The following MYH15 variants were observed in gnomAD, a reference collection of about 807,000 sequenced individuals.
MYH15 encodes the protein myosin heavy chain 15.
MYH15 carries 227 observed loss-of-function variants against 240.5 expected under a neutral mutation model. That is an observed-to-expected ratio of 0.94 (90% CI 0.85 to 1.05). The LOEUF (loss-of-function observed/expected upper bound fraction) is 1.05, where lower values mean the gene tolerates loss of function less well. MYH15 is among the 50% of genes least tolerant of loss of function. The probability of loss-of-function intolerance (pLI) is 0.00; values close to 1 mark genes in which losing one functional copy is unlikely to be tolerated. For missense variants in MYH15, 2,217 were observed against 2,247.5 expected (o/e 0.99, Z 0.27); for synonymous variants, 785 against 796.7 (o/e 0.99, Z 0.25).
In MYH15 at chr3:108,470,058, A is replaced by G; in HGVS notation, c.1538T>C (p.Ile513Thr). ...IGFGLDLQAC[I>T]DLIEKPMGIL... ...ATATATTACCTTCTCAATGAGATCT[A>G]TGCAAGCTTGCAAATCCAGACCAAA... Residue 513 changes from isoleucine to threonine, a missense_variant, in exon 14 of 41, where the codon ATA (isoleucine) becomes ACA (threonine). Physicochemically the swap from Ile to Thr is moderately conservative, Grantham distance 89. Coordinates refer to ENST00000693548, the MANE Select transcript of MYH15 (RefSeq NM_014981.3). The G allele has an allele frequency of 6.2e-7, 1 of 1,602,892 alleles. No homozygotes were observed. The highest frequency in any genetic ancestry group is 8.5e-7 in the Non-Finnish European group (1 of 1,176,502).
intron 1 of MYH15, among the ~76,000 whole-genome samples, chr3:108,507,653 A>G (rs1439782431): frequency 6.6e-6 from 1 of 152,198 alleles, no homozygotes; most frequent in African/African-American, 2.4e-5. Flanking sequence ...CTTTCTTGCT[A>G]TCAGTGCTGC....
intron 12 of MYH15, among the ~76,000 whole-genome samples, chr3:108,472,387 G>T (rs947278089): frequency 6.6e-6 from 1 of 152,212 alleles, no homozygotes; most frequent in East Asian, 1.9e-4. Context: ...AGAGCACACA[G>T]CAGGAGCCAG....
intron 22 of MYH15, among the ~76,000 whole-genome samples, chr3:108,442,913 T>C (rs2082896288): frequency 6.6e-6 from 1 of 151,936 alleles, no homozygotes; most frequent in Non-Finnish European, 1.5e-5. Context: ...TCAGCCTTCT[T>C]GGGTTTGCTC....
chr3:108,427,689 A>G (rs868811692), intron 27 of MYH15, among the ~76,000 whole-genome samples: 5 of 152,060 alleles, frequency 3.3e-5, no homozygotes, highest in Middle Eastern at 3.4e-3. Flanking sequence ...CTTTCTACTC[A>G]GTATGGTATT....
upstream of MYH15, among the ~76,000 whole-genome samples, chr3:108,511,575 A>G (rs1038195100): frequency 1.3e-5 from 2 of 152,180 alleles, no homozygotes; most frequent in Non-Finnish European, 1.5e-5. Context: ...AGAAATGGAA[A>G]CTGGGCCTTC....
At chr3:108,451,294 C>G (rs1290572938) in intron 21 of MYH15, among the ~76,000 whole-genome samples, 1 of 152,112 alleles carries the variant, frequency 6.6e-6, no homozygotes, top group East Asian at 1.9e-4. Flanking sequence ...GCACAATAAT[C>G]ACTTGAACCA....
At chr3:108,546,775 G>A in the MYH15 span, among the ~76,000 whole-genome samples, 1 of 152,136 alleles carries the variant, frequency 6.6e-6, no homozygotes, top group South Asian at 2.1e-4. Context: ...TCATGGTTAT[G>A]TGATAATAAA....
chr3:108,493,292 G>GAA, intron 7 of MYH15, 115 bp from the exon 8 acceptor site: 1 of 483,082 alleles, frequency 2.1e-6, no homozygotes, highest in Non-Finnish European at 3.6e-6. Flanking sequence ...TTCCCCAGAA[G>GAA]TAAAAAACAA....
chr3:108,485,297 G>C, intron 10 of MYH15, 68 bp from the exon 11 acceptor site: 1 of 1,569,556 alleles, frequency 6.4e-7, no homozygotes, highest in Non-Finnish European at 8.7e-7. Context: ...CCTCACCCCC[G>C]CTGTGTTACA....
chr3:108,436,408 T>C (rs762814430), intron 25 of MYH15, among the ~76,000 whole-genome samples: 3 of 152,230 alleles, frequency 2.0e-5, no homozygotes, highest in Admixed American at 6.5e-5. Flanking sequence ...TAGCAGAATA[T>C]GAGTCAAGCC....
intron 20 of MYH15, among the ~76,000 whole-genome samples, chr3:108,454,936 A>G (rs995611038): frequency 6.6e-6 from 1 of 152,310 alleles, no homozygotes; most frequent in African/African-American, 2.4e-5. Context: ...AATAGTATAC[A>G]GTAAAAATAA....
In MYH15 at chr3:108,493,153, C is replaced by T; in HGVS notation, c.736G>A (p.Gly246Ser). 1 of 1,614,098 alleles carries T rather than the reference C, an allele frequency of 6.2e-7. No homozygotes were observed. The highest frequency in any genetic ancestry group is 1.1e-5 in the South Asian group (1 of 91,074). Reference sequence around the variant, plus strand: ...ACAGATGACAGCATGCCTCTGGCACCAAAGTGCATCCTGATGAATTTGCCC... The same window carrying T: ...ACAGATGACAGCATGCCTCTGGCACTAAAGTGCATCCTGATGAATTTGCCC... The part of the protein sequence containing the change: ...RFGKFIRMHF[G>S]ARGMLSSVDI... Residue 246 changes from glycine (G) to serine (S), a missense_variant, in exon 8 of 41, where the codon GGT (glycine) becomes AGT (serine). By Grantham distance (56) the Gly-to-Ser change is moderately conservative. Transcript: ENST00000693548.
chr3:108,476,580 T>C (rs1560409395), intron 11 of MYH15, 65 bp from the exon 12 acceptor site: 3 of 1,035,308 alleles, frequency 2.9e-6, no homozygotes, highest in Admixed American at 3.5e-5. Context: ...CATTCCATTA[T>C]AGCCAAACTA....
At chr3:108,398,485 G>T in intron 35 of MYH15, 152 bp downstream of exon 35, 2 of 739,950 alleles carry the variant, frequency 2.7e-6, no homozygotes, top group Non-Finnish European at 4.7e-6. Context: ...TAACACACTT[G>T]GGAACAAATG....
At chr3:108,437,721 T>G in intron 24 of MYH15, 22 bp from the exon 25 acceptor site, 1 of 1,603,172 alleles carries the variant, frequency 6.2e-7, no homozygotes, top group Non-Finnish European at 8.5e-7. Flanking sequence ...AAACATTATT[T>G]AGCTAAATAA....
intron 2 of MYH15, 112 bp from the exon 3 acceptor site, chr3:108,501,967 A>T: frequency 8.6e-7 from 1 of 1,158,804 alleles, no homozygotes; most frequent in East Asian, 2.4e-5. Flanking sequence ...ATGCCTCATT[A>T]GGGGATGGGG....
chr3:108,540,423 T>A, the MYH15 span, among the ~76,000 whole-genome samples: 1 of 152,194 alleles, frequency 6.6e-6, no homozygotes, highest in Non-Finnish European at 1.5e-5. Context: ...TCCACTGACA[T>A]GGAGTATGAG....
At chr3:108,479,941 C>A (rs2083253656) in intron 11 of MYH15, among the ~76,000 whole-genome samples, 1 of 152,124 alleles carries the variant, frequency 6.6e-6, no homozygotes, top group Admixed American at 6.6e-5. Flanking sequence ...TTGAGCTGTT[C>A]ATATTTCATT....
chr3:108,479,255 G>A (rs556621429), intron 11 of MYH15, among the ~76,000 whole-genome samples: 3 of 152,156 alleles, frequency 2.0e-5, no homozygotes, highest in Non-Finnish European at 2.9e-5. Context: ...AGTTCCTTCA[G>A]GACCTTGTGA....
Sources: allele counts gnomAD v4.1 joint callset (sites outside exome capture counted in the v4.1 genomes callset), GRCh38; gene constraint gnomAD v4.1.1; transcripts MANE v1.5; gene names NCBI Gene and HGNC (gene_info 2026-07-23, HGNC 2026-07-21).